The following EYS variants were observed in gnomAD, a reference collection of about 807,000 sequenced individuals.
EYS encodes EGF-like photoreceptor maintenance factor, also known as protein eyes shut homolog.
Under a neutral mutation model 282.1 loss-of-function variants are expected in EYS, and 250 were observed. The ratio of observed to expected loss-of-function variants is 0.89; its 90% confidence interval spans 0.80 to 0.98. The LOEUF is 0.98. Among genes scored for constraint, EYS ranks in the 50% least tolerant of loss-of-function variants. The pLI is 0.00. For missense variants in EYS, 4,016 were observed against 3,709.0 expected (o/e 1.08, Z -2.15); for synonymous variants, 1,355 against 1,282.9 (o/e 1.06, Z -1.20).
chr6:65,633,521 G>T (rs768889126), intron 2 of EYS, among the ~76,000 whole-genome samples: 1 of 152,124 alleles, frequency 6.6e-6, no homozygotes, highest in Non-Finnish European at 1.5e-5. Flanking sequence ...CTGTTTTATA[G>T]ATGAGAAAAC....
At chr6:64,715,763 G>A (rs1326450162) in intron 22 of EYS, among the ~76,000 whole-genome samples, 3 of 152,164 alleles carry the variant, frequency 2.0e-5, no homozygotes, top group Admixed American at 2.0e-4. Flanking sequence ...TTCCCATTTG[G>A]CTTTGAATGC....
At chr6:64,878,696 C>T (rs537459994) in intron 19 of EYS, among the ~76,000 whole-genome samples, 27 of 151,034 alleles carry the variant, frequency 1.8e-4, no homozygotes, top group African/African-American at 6.3e-4. Flanking sequence ...TTTTTTCTGA[C>T]AAGTAAGAGT....
intron 5 of EYS, among the ~76,000 whole-genome samples, chr6:65,423,980 A>C (rs1767565876): frequency 6.6e-6 from 1 of 151,880 alleles, no homozygotes; most frequent in Non-Finnish European, 1.5e-5. Flanking sequence ...TTAGGTTCCT[A>C]TGTGTCTTGC....
chr6:65,517,581 G>T (rs1169255223), intron 2 of EYS, among the ~76,000 whole-genome samples: 1 of 151,944 alleles, frequency 6.6e-6, no homozygotes, highest in East Asian at 1.9e-4. Context: ...CTATGGTTAG[G>T]CAAGTCATTT....
At chr6:64,465,074 C>T (rs1775873454) in intron 26 of EYS, among the ~76,000 whole-genome samples, 1 of 151,756 alleles carries the variant, frequency 6.6e-6, no homozygotes, top group African/African-American at 2.4e-5. Context: ...AAGACCTGTA[C>T]ATTGAAAACA....
chr6:64,356,256 C>A (rs1771821868), intron 29 of EYS, among the ~76,000 whole-genome samples: 1 of 151,068 alleles, frequency 6.6e-6, no homozygotes, highest in Non-Finnish European at 1.5e-5. Flanking sequence ...TTATGGGGTG[C>A]ATGAGATGTT....
intron 42 of EYS, 38 bp from the exon 43 acceptor site, chr6:63,721,835 T>C: frequency 6.7e-7 from 1 of 1,499,218 alleles, no homozygotes; most frequent in Non-Finnish European, 8.9e-7. Context: ...TTAGCAACAG[T>C]AAAAGTTTCC....
chr6:64,643,117 C>CA (rs1272679695), intron 22 of EYS, among the ~76,000 whole-genome samples: 5 of 118,066 alleles, frequency 4.2e-5, no homozygotes, highest in African/African-American at 1.3e-4. Context: ...CTCCATCCCC[C>CA]CCCCCAAAAA....
chr6:65,081,553 C>T lies in EYS; in HGVS notation c.2024-23826G>A, dbSNP rs187762170. ...ATTCAACAAACAGATTTTATTTTAT[C>T]CTACACTATGTTCACTAAAAAACTG... On this transcript the variant is annotated intron_variant, in intron 12 of 42. Coordinates refer to ENST00000503581, the MANE Select transcript of EYS (RefSeq NM_001142800.2). Among the ~76,000 whole-genome samples, 9 of 152,042 alleles carry T rather than the reference C, an allele frequency of 5.9e-5. No individual in the cohort carries two copies. In the East Asian group the frequency reaches 1.7e-3, roughly 29 times the overall value.
intron 30 of EYS, among the ~76,000 whole-genome samples, chr6:64,266,502 T>A (rs939072445): frequency 6.6e-6 from 1 of 152,182 alleles, no homozygotes; most frequent in Non-Finnish European, 1.5e-5. Context: ...ACAGTTCCAT[T>A]ATTACAAACC....
intron 29 of EYS, among the ~76,000 whole-genome samples, chr6:64,328,231 C>G (rs1029795082): frequency 1.3e-5 from 2 of 152,176 alleles, no homozygotes; most frequent in Non-Finnish European, 2.9e-5. Flanking sequence ...TTATTTAATA[C>G]AGAAGAGCAC....
intron 35 of EYS, among the ~76,000 whole-genome samples, chr6:63,877,624 G>GC (rs1773011639): frequency 6.6e-6 from 1 of 151,798 alleles, no homozygotes; most frequent in Non-Finnish European, 1.5e-5. Flanking sequence ...ACGTAGATTT[G>GC]TTTTTTTTAC....
intron 22 of EYS, among the ~76,000 whole-genome samples, chr6:64,633,221 A>C (rs1767852068): frequency 6.6e-6 from 1 of 152,178 alleles, no homozygotes; most frequent in Non-Finnish European, 1.5e-5. Flanking sequence ...TATTGTCTAA[A>C]TAACTGTTGA....
chr6:63,762,428 T>C (rs1207576294), intron 41 of EYS, 33 bp downstream of exon 41: 1 of 1,541,798 alleles, frequency 6.5e-7, no homozygotes, highest in South Asian at 1.2e-5. Flanking sequence ...GTTATATTTG[T>C]GGACAGCAAA....
intron 18 of EYS, among the ~76,000 whole-genome samples, chr6:64,900,628 A>T (rs1238269226): frequency 6.6e-6 from 1 of 152,252 alleles, no homozygotes; most frequent in African/African-American, 2.4e-5. Flanking sequence ...ATATATGAAA[A>T]AAAGCTCATC....
chr6:64,288,465 C>T (rs2087595217), intron 30 of EYS, among the ~76,000 whole-genome samples: 1 of 152,104 alleles, frequency 6.6e-6, no homozygotes. Flanking sequence ...CCAGTCTTCG[C>T]TGCTGCTGAG....
chr6:65,030,534 A>G (rs139808506), intron 13 of EYS, among the ~76,000 whole-genome samples: 225 of 152,218 alleles, frequency 1.5e-3, no homozygotes, highest in Non-Finnish European at 2.5e-3. Context: ...ACTCCACTGT[A>G]CCACTATTGC....
chr6:65,560,364 AAAT>A (rs1769004177), intron 2 of EYS, among the ~76,000 whole-genome samples: 1 of 146,668 alleles, frequency 6.8e-6, no homozygotes, highest in South Asian at 2.1e-4. Context: ...ATATAACATA[AAAT>A]AATACATTAT....
At chr6:63,914,429 C>T (rs1764365907) in intron 35 of EYS, among the ~76,000 whole-genome samples, 2 of 152,142 alleles carry the variant, frequency 1.3e-5, no homozygotes, top group African/African-American at 4.8e-5. Flanking sequence ...CAAAACAAGG[C>T]CGGGTGCAGT....
Sources: gnomAD v4.1 joint callset for allele counts (sites outside exome capture counted in the v4.1 genomes callset) on GRCh38, gnomAD v4.1.1 for gene constraint, MANE v1.5 for transcripts, NCBI Gene and HGNC (gene_info 2026-07-23, HGNC 2026-07-21) for gene names.